Variants in TMEM11 observed in about 807,000 individuals in gnomAD.
TMEM11 encodes transmembrane protein 11, mitochondrial.
A neutral mutation model predicts 17.0 loss-of-function variants in TMEM11; 1 was observed. The ratio of observed to expected loss-of-function variants is 0.06; its 90% CI spans 0.02 to 0.28. TMEM11 has a LOEUF of 0.28. TMEM11 is among the 10% of genes least tolerant of loss of function. TMEM11 has a pLI of 1.00. For synonymous variants in TMEM11, 122 were observed against 118.1 expected, an observed-to-expected ratio of 1.03 and a Z score of -0.21; for missense variants, 172 against 252.9, an observed-to-expected ratio of 0.68 and a Z score of 2.17.
In TMEM11 at chr17:21,200,492, T is replaced by C. The variant is rs374635023; in HGVS notation, c.63-1652A>G. ...TGGCTCCCAAGGCTGCACAGAGCCA[T>C]GTTCTGTCACATGCCTCAGGGAAAA... On this transcript the variant is annotated intron_variant, in intron 1 of 1. Transcript: ENST00000317635. Among the ~76,000 whole-genome samples the C allele has an allele frequency of 2.0e-3, 301 of 152,316 alleles. 2 individuals carry two copies. Among genetic ancestry groups the C allele is most frequent in the African/African-American group, 7.0e-3 (292 of 41,570 alleles).
chr17:21,211,679 A>G (rs1416619948), intron 1 of TMEM11, among the ~76,000 whole-genome samples: 1 of 152,234 alleles, frequency 6.6e-6, no homozygotes, highest in Non-Finnish European at 1.5e-5. Flanking sequence ...TGCATGCTTC[A>G]GAGTTGGTAG....
intron 1 of TMEM11, among the ~76,000 whole-genome samples, chr17:21,199,565 T>C (rs900973987): frequency 6.6e-6 from 1 of 152,144 alleles, no homozygotes; most frequent in African/African-American, 2.4e-5. Flanking sequence ...AGAGGATTCT[T>C]CACTGGAAAC....
chr17:21,198,943 C>A lies in TMEM11; in HGVS notation c.63-103G>T. 7.8e-7 allele frequency: 1 copy of A among 1,283,074 alleles called. No individual in the cohort carries two copies. Among genetic ancestry groups the A allele is most frequent in the Non-Finnish European group, 1.1e-6 (1 of 937,774 alleles). 79.5% of individuals were successfully genotyped at this position (1,283,074 alleles called of 1,614,324 possible). On this transcript the variant is annotated intron_variant, in intron 1 of 1. Coordinates refer to ENST00000317635, the MANE Select transcript of TMEM11 (RefSeq NM_003876.3). This position sits in a 1 kb window ranked among gnomAD's most constrained non-coding sequence, Gnocchi z 6.5. ...CAGCGCTGGGGGAGGTCTGAGCCTG[C>A]ACTGCGGAGAGCACATCTCACTTGG... is the stretch of plus-strand genomic sequence containing the variant.
At chr17:21,200,271 C>G (rs1486319897) in intron 1 of TMEM11, among the ~76,000 whole-genome samples, 1 of 152,252 alleles carries the variant, frequency 6.6e-6, no homozygotes, top group Non-Finnish European at 1.5e-5. Context: ...GCGGGCAGGC[C>G]TGAAGACAGG....
chr17:21,210,810 C>G (rs1974995005), intron 1 of TMEM11: 3 of 1,009,790 alleles, frequency 3.0e-6, no homozygotes, highest in African/African-American at 3.4e-5. Flanking sequence ...TAAACCTGAA[C>G]TTTTAGCCCC....
chr17:21,203,426 C>A (rs1299416388), intron 1 of TMEM11, among the ~76,000 whole-genome samples: 1 of 152,192 alleles, frequency 6.6e-6, no homozygotes, highest in South Asian at 2.1e-4. Context: ...TTCAGAAATT[C>A]GTGGCCATGA....
intron 1 of TMEM11, among the ~76,000 whole-genome samples, chr17:21,203,408 T>A (rs1316516967): frequency 6.6e-6 from 1 of 152,150 alleles, no homozygotes; most frequent in Admixed American, 6.5e-5. Flanking sequence ...CTGCTGCACT[T>A]CTCTTACTTC....
chr17:21,200,105 G>A (rs544918099), intron 1 of TMEM11, among the ~76,000 whole-genome samples: 3 of 152,190 alleles, frequency 2.0e-5, no homozygotes, highest in South Asian at 2.1e-4. Context: ...TCCACCACAC[G>A]GAACGCTCAG....
chr17:21,200,055 C>G (rs760695029), intron 1 of TMEM11, among the ~76,000 whole-genome samples: 1 of 152,218 alleles, frequency 6.6e-6, no homozygotes, highest in Non-Finnish European at 1.5e-5. Flanking sequence ...CCCCCCGGGA[C>G]TGGGGATGCA....
chr17:21,201,747 G>C (rs957808842), intron 1 of TMEM11, among the ~76,000 whole-genome samples: 2 of 152,020 alleles, frequency 1.3e-5, no homozygotes, highest in Non-Finnish European at 2.9e-5. Flanking sequence ...TCTGCCTCCC[G>C]AGTAGCTGGG....
At chr17:21,205,032 T>G (rs1974927532) in intron 1 of TMEM11, among the ~76,000 whole-genome samples, 1 of 151,960 alleles carries the variant, frequency 6.6e-6, no homozygotes, top group African/African-American at 2.4e-5. Flanking sequence ...GGCCCTCATC[T>G]CTCCACTTTT....
chr17:21,207,390 C>T (rs1008371367), intron 1 of TMEM11, among the ~76,000 whole-genome samples: 51 of 151,754 alleles, frequency 3.4e-4, no homozygotes, highest in African/African-American at 9.7e-4. Flanking sequence ...ATTAGCTGGG[C>T]GTGGTGGTGC....
chr17:21,200,077 C>T (rs1974866610), intron 1 of TMEM11, among the ~76,000 whole-genome samples: 2 of 152,238 alleles, frequency 1.3e-5, no homozygotes, highest in Non-Finnish European at 2.9e-5. Context: ...GTCATGACCC[C>T]AACCAGCAGG....
At chr17:21,199,576 C>T (rs1283969220) in intron 1 of TMEM11, among the ~76,000 whole-genome samples, 1 of 152,178 alleles carries the variant, frequency 6.6e-6, no homozygotes, top group African/African-American at 2.4e-5. Flanking sequence ...CACTGGAAAC[C>T]ACAGACCTCA....
chr17:21,199,328 G>GAAAAA (rs58031189), intron 1 of TMEM11, among the ~76,000 whole-genome samples: 6 of 78,306 alleles, frequency 7.7e-5, no homozygotes, highest in South Asian at 5.3e-4. Context: ...CTCAGTCTCA[G>GAAAAA]AAAAAAAAAA....
At chr17:21,205,007 CAG>C (rs1168267817) in intron 1 of TMEM11, among the ~76,000 whole-genome samples, 1 of 152,116 alleles carries the variant, frequency 6.6e-6, no homozygotes, top group Non-Finnish European at 1.5e-5. Context: ...AGCCTTCAAC[CAG>C]AGTCAGCCTT....
Position 21,198,444 on chromosome 17 carries a change from GGAGGTGAGTGTGTGCA to G in TMEM11, c.443_458del (p.Leu148ProfsTer22). ...TCCGGACCAGCACCACCGGGGTGGA[GGAGGTGAGTGTGTGCA>G]GAGGCAGGCGCGACAGTTTATAGGC... is the stretch of plus-strand genomic sequence containing the variant. On this transcript the variant is annotated frameshift_variant, in exon 2 of 2. Transcript: ENST00000317635. LOFTEE classifies it high-confidence loss of function. This position sits in a 1 kb window ranked among gnomAD's most constrained non-coding sequence, Gnocchi z 6.5. 6.2e-7 allele frequency: 1 copy of G among 1,614,242 alleles called. No homozygotes were observed. Among genetic ancestry groups the G allele is most frequent in the Non-Finnish European group, 8.5e-7 (1 of 1,180,054 alleles).
At chr17:21,203,390 G>C (rs186511946) in intron 1 of TMEM11, among the ~76,000 whole-genome samples, 2 of 152,220 alleles carry the variant, frequency 1.3e-5, no homozygotes, top group African/African-American at 4.8e-5. Flanking sequence ...CTGCACTGCT[G>C]ACAGGGACTG....
chr17:21,209,523 T>G (rs922738763), intron 1 of TMEM11, among the ~76,000 whole-genome samples: 2 of 152,172 alleles, frequency 1.3e-5, no homozygotes, highest in African/African-American at 2.4e-5. Context: ...TCCCAGCACT[T>G]TGGGAGGCCA....
Sources: gnomAD v4.1 joint callset for allele counts (sites outside exome capture counted in the v4.1 genomes callset) on GRCh38, gnomAD v4.1.1 for gene constraint, Gnocchi (gnomAD v3.1) non-coding constraint, MANE v1.5 for transcripts, NCBI Gene and HGNC (gene_info 2026-07-23, HGNC 2026-07-21) for gene names.